ANO9: variants seen among roughly 807,000 people sequenced by gnomAD.
ANO9 encodes anoctamin-9.
A neutral mutation model predicts 100.5 loss-of-function variants in ANO9; 80 were observed. That is an observed-to-expected ratio of 0.80 (90% CI 0.66 to 0.96). The LOEUF (loss-of-function observed/expected upper bound fraction) is 0.96, where lower values mean the gene tolerates loss of function less well. ANO9 is among the 40% of genes least tolerant of loss of function. The pLI, the probability that ANO9 is intolerant of heterozygous loss-of-function variation, is 0.00. For synonymous variants in ANO9, 473 were observed against 435.6 expected (o/e 1.09, Z -1.07); for missense variants, 1,064 against 1,072.7 (o/e 0.99, Z 0.11).
In ANO9 at chr11:433,830, C is replaced by G. The variant is rs774177321; in HGVS notation, c.189G>C (p.Lys63Asn). The G allele has an allele frequency of 6.4e-7, 1 of 1,562,184 alleles. No individual in the cohort carries two copies. Among genetic ancestry groups the G allele is most frequent in the Non-Finnish European group, 8.7e-7 (1 of 1,153,562 alleles). The change falls in exon 3 of 23, where the codon AAG (lysine) becomes AAC (asparagine). Residue 63 changes from lysine (K) to asparagine (N), a missense_variant. Transcript: ENST00000332826. Reference protein sequence around the residue: ...QQQFLEELRRKGFHIKVIRDQ... With the variant: ...QQQFLEELRRNGFHIKVIRDQ... The stretch of plus-strand genomic sequence containing the variant: ...ACCCGCCCACCTTAATGTGGAAGCC[C>G]TTTCTCCTGAGCTCCTCCAGGAACT...
intron 1 of ANO9, among the ~76,000 whole-genome samples, chr11:436,669 T>C (rs1358460758): frequency 3.7e-5 from 5 of 133,810 alleles, no homozygotes. Flanking sequence ...GAGCAGGGAG[T>C]GAGCAGGGAG....
intron 19 of ANO9, 152 bp downstream of exon 19, chr11:420,311 C>T (rs139768617): frequency 0.011 from 16,670 of 1,455,002 alleles, 124 homozygotes; most frequent in Middle Eastern, 0.015. Context: ...CAGGCTCAAC[C>T]CGCATCCGAG....
chr11:427,221 G>A (rs893231948), intron 15 of ANO9, among the ~76,000 whole-genome samples: 6 of 150,536 alleles, frequency 4.0e-5, no homozygotes, highest in South Asian at 2.1e-4. Context: ...GTGGTGGTGC[G>A]CACCTGTGGT....
At chr11:423,634 A>G (rs112048078) in intron 15 of ANO9, among the ~76,000 whole-genome samples, 2 of 151,992 alleles carry the variant, frequency 1.3e-5, no homozygotes, top group South Asian at 4.2e-4. Context: ...CAGCCTCCCA[A>G]GTAGCTAGGA....
At chr11:419,754 G>A (rs1375379717) in intron 19 of ANO9, 25 bp from the exon 20 acceptor site, 1 of 1,583,612 alleles carries the variant, frequency 6.3e-7, no homozygotes, top group Non-Finnish European at 8.6e-7. Flanking sequence ...TGGGCAAGCG[G>A]TCTGACTCAG....
intron 11 of ANO9, chr11:429,340 C>T (rs111929939): frequency 9.0e-6 from 8 of 885,230 alleles, no homozygotes; most frequent in Admixed American, 3.9e-5. Flanking sequence ...ACAGACACAG[C>T]GACACGCCTC....
chr11:420,883 G>A, intron 17 of ANO9, 23 bp from the exon 18 acceptor site: 1 of 1,590,094 alleles, frequency 6.3e-7, no homozygotes, highest in Non-Finnish European at 8.5e-7. Flanking sequence ...CTGCGTGGCA[G>A]GGAGGGCGCA....
intron 7 of ANO9, 35 bp downstream of exon 7, chr11:431,659 C>T (rs549110645): frequency 3.1e-6 from 5 of 1,608,984 alleles, no homozygotes; most frequent in South Asian, 1.1e-5. Context: ...CGGGGCCGTC[C>T]GCGGGGTTCC....
At position 418,300 on chromosome 11, in the gene ANO9, C is replaced by T. The variant is rs577353461; in HGVS notation, c.*71G>A. The T allele has an allele frequency of 1.7e-5, 24 of 1,406,568 alleles. 1 individual carries two copies. Among genetic ancestry groups the T allele is most frequent in the East Asian group, 1.2e-4 (5 of 40,326 alleles). 87.1% of individuals were successfully genotyped at this position (1,406,568 alleles called of 1,614,324 possible). ...TCACAGCACCCCTCAACACGCACAG[C>T]GGTGGGCTTGTGGGAGGTGCTGGTG... On this transcript the variant is annotated 3_prime_UTR_variant, in exon 23 of 23. Transcript: ENST00000332826.
In ANO9 at chr11:428,046, C is replaced by T. The variant is rs201974530; in HGVS notation, c.1334+42G>A. ...GCCACTTTAAAGGCAGTGGAACAAG[C>T]CCTCGTGAGTTGGGTTGGAGGGAGC... is the stretch of plus-strand genomic sequence containing the variant. On this transcript the variant is annotated intron_variant, in intron 15 of 22. Coordinates refer to ENST00000332826, the MANE Select transcript of ANO9 (RefSeq NM_001012302.3). The T allele has an allele frequency of 1.0e-3, 1,398 of 1,346,352 alleles. 1 individual carries two copies. The highest frequency in any genetic ancestry group is 1.3e-3 in the Non-Finnish European group (1,353 of 1,016,742). 83.4% of individuals were successfully genotyped at this position (1,346,352 alleles called of 1,614,324 possible). A position where few individuals can be genotyped will look rare whatever the true frequency, so the allele number is the denominator to read the frequency against.
In ANO9 at chr11:433,964, C is replaced by A. The variant is rs372198923; in HGVS notation, c.82-27G>T. 16 of 1,554,196 alleles carry A rather than the reference C, an allele frequency of 1.0e-5. No homozygotes were observed. The African/African-American group carries it at 1.1e-4, about 11-fold the overall frequency. On this transcript the variant is annotated intron_variant, in intron 2 of 22. Transcript: ENST00000332826. ...TGCAGGGAGGAGGCATGGGGCCAGG[C>A]GCAGGTGAAGGGGCAGAGCAGGGCC...
chr11:419,915 A>G, intron 19 of ANO9, 186 bp from the exon 20 acceptor site: 1 of 1,405,786 alleles, frequency 7.1e-7, no homozygotes, highest in Non-Finnish European at 9.2e-7. Flanking sequence ...GCGCTCCTGC[A>G]CCCCTCACCC....
chr11:429,656 C>A lies in ANO9; in HGVS notation c.833-4G>T, dbSNP rs766286367. On this transcript the variant is annotated splice_region_variant and splice_polypyrimidine_tract_variant and intron_variant, in intron 10 of 22. Transcript: ENST00000332826. ...CAGATCTCCAGGAACACCGTGGCTG[C>A]GGCGGGGGCAAGGAGGGGCATCACT... is the stretch of plus-strand genomic sequence containing the variant. 1.2e-6 allele frequency: 2 copies of A among 1,612,580 alleles called. No individual in the cohort carries two copies. The highest frequency in any genetic ancestry group is 2.2e-5 in the East Asian group (1 of 44,876).
chr11:423,885 T>TCA (rs57182615), intron 15 of ANO9, among the ~76,000 whole-genome samples: 12,800 of 143,182 alleles, frequency 0.089, 631 homozygotes, highest in Middle Eastern at 0.13. Context: ...AGTTGAATAC[T>TCA]CACACACACA....
chr11:423,708 G>A (rs1848328150), intron 15 of ANO9, among the ~76,000 whole-genome samples: 3 of 151,784 alleles, frequency 2.0e-5, no homozygotes, highest in African/African-American at 7.3e-5. Context: ...GCGGTGGGGG[G>A]TTTGGGGGCA....
In ANO9 at chr11:418,431, G is replaced by A. The variant is rs1847969473; in HGVS notation, c.2289C>T (p.Pro763=). Residue 763 remains proline, a synonymous_variant, in exon 23 of 23, where the codon CCC becomes CCT. Transcript: ENST00000332826. ...RLGGVGAGSR[P]PMPAHPTPAS... ...CTGGGGTGGGATGGGCAGGCATTGG[G>A]GGCCGAGAGCCTGCCCCCACCCCAC... 2.4e-5 allele frequency: 38 copies of A among 1,612,510 alleles called. No homozygotes were observed. Among genetic ancestry groups the A allele is most frequent in the Non-Finnish European group, 3.1e-5 (37 of 1,179,878 alleles).
chr11:418,930 T>C lies in ANO9; in HGVS notation c.1994A>G (p.Asp665Gly), dbSNP rs1224449598. 1 of 1,613,212 alleles carries C rather than the reference T, an allele frequency of 6.2e-7. No homozygotes were observed. The highest frequency in any genetic ancestry group is 1.3e-5 in the African/African-American group (1 of 74,798). Residue 665 changes from aspartate to glycine, a missense_variant, in exon 21 of 23, where the codon GAC (aspartate) becomes GGC (glycine). By Grantham distance (94) the Asp-to-Gly change is moderately conservative. Coordinates refer to ENST00000332826, the MANE Select transcript of ANO9 (RefSeq NM_001012302.3). ...TTCTGAGCCCTCAATCCCATCAGGG[T>C]CCTGGAAGTCCTTGGTGTGGAAGAC... Reference protein sequence around the residue: ...LSVFHTKDFQDPDGIEGSENV... With the variant: ...LSVFHTKDFQGPDGIEGSENV...
At chr11:429,503 G>T in intron 11 of ANO9, 67 bp downstream of exon 11, 2 of 1,589,020 alleles carry the variant, frequency 1.3e-6, no homozygotes, top group Non-Finnish European at 1.7e-6. Context: ...TGTGGGCCGT[G>T]CAGGGCATCG....
At chr11:420,190 T>C in intron 19 of ANO9, 1 of 1,392,526 alleles carries the variant, frequency 7.2e-7, no homozygotes, top group East Asian at 2.7e-5. Flanking sequence ...CCCCAGCCAC[T>C]GGCAGAACCT....
Sources: gnomAD v4.1 joint callset for allele counts (sites outside exome capture counted in the v4.1 genomes callset) on GRCh38, gnomAD v4.1.1 for gene constraint, MANE v1.5 for transcripts, NCBI Gene and HGNC (gene_info 2026-07-23, HGNC 2026-07-21) for gene names.